Variants in KIF26B observed in about 807,000 individuals in gnomAD.
KIF26B encodes the protein kinesin family member 26B.
In KIF26B, 63 loss-of-function variants were observed where a neutral mutation model predicts 151.2. That is an observed-to-expected ratio of 0.42 (90% CI 0.34 to 0.51). The LOEUF is 0.51. Among genes scored for constraint, KIF26B ranks in the 20% least tolerant of loss-of-function variants. KIF26B has a pLI of 0.07. For synonymous variants in KIF26B, 1,357 were observed against 1,262.1 expected (o/e 1.08, Z -1.59); for missense variants, 2,813 against 2,913.6 (o/e 0.97, Z 0.79).
chr1:245,399,417 CTTTG>C (rs1673939689), intron 3 of KIF26B, among the ~76,000 whole-genome samples: 1 of 152,122 alleles, frequency 6.6e-6, no homozygotes, highest in African/African-American at 2.4e-5. Context: ...GTTGACTTTT[CTTTG>C]TTTGATTTAA....
At chr1:245,313,908 C>T (rs1023714543) in intron 2 of KIF26B, among the ~76,000 whole-genome samples, 2 of 152,180 alleles carry the variant, frequency 1.3e-5, no homozygotes, top group African/African-American at 4.8e-5. Flanking sequence ...CCAGTCTCTT[C>T]TTTCATGGCA....
chr1:245,672,010 C>G lies in KIF26B; in HGVS notation c.2259-12223C>G, dbSNP rs142409826. Reference sequence around the variant, plus strand: ...TCCAGGTCCAAAGCCGCCAAATCATCTTTCTTGTCACCATCACATGATAAG... The same window carrying G: ...TCCAGGTCCAAAGCCGCCAAATCATGTTTCTTGTCACCATCACATGATAAG... On this transcript the variant is annotated intron_variant, in intron 10 of 14. Transcript: ENST00000407071. Among the ~76,000 whole-genome samples the G allele has an allele frequency of 5.9e-5, 9 of 152,110 alleles. No homozygotes were observed. In the East Asian group the frequency reaches 1.7e-3, roughly 29 times the overall value.
intron 2 of KIF26B, among the ~76,000 whole-genome samples, chr1:245,175,574 GA>G (rs1047255218): frequency 2.5e-4 from 38 of 152,226 alleles, no homozygotes; most frequent in African/African-American, 9.1e-4. Context: ...TGTTGGTTGA[GA>G]TTCTTTGAGA....
At chr1:245,452,261 A>G (rs1394337665) in intron 4 of KIF26B, among the ~76,000 whole-genome samples, 1 of 152,206 alleles carries the variant, frequency 6.6e-6, no homozygotes, top group Non-Finnish European at 1.5e-5. Context: ...GTGCATCGGA[A>G]TTTTATTCCT....
chr1:245,476,319 G>A (rs1485589847), intron 4 of KIF26B, among the ~76,000 whole-genome samples: 1 of 151,712 alleles, frequency 6.6e-6, no homozygotes, highest in African/African-American at 2.4e-5. Context: ...GTTCCATGAT[G>A]ATTACATCAT....
intron 2 of KIF26B, among the ~76,000 whole-genome samples, chr1:245,284,437 G>T (rs1671130316): frequency 6.6e-6 from 1 of 152,040 alleles, no homozygotes; most frequent in African/African-American, 2.4e-5. Context: ...TTTTGAAAAC[G>T]CAGGTGGTGT....
intron 12 of KIF26B, among the ~76,000 whole-genome samples, chr1:245,694,629 G>C (rs1236795618): frequency 6.6e-6 from 1 of 152,198 alleles, no homozygotes; most frequent in Non-Finnish European, 1.5e-5. Flanking sequence ...CAGCACCGCA[G>C]ATGATACCGG....
intron 4 of KIF26B, among the ~76,000 whole-genome samples, chr1:245,538,867 T>A (rs75623718): frequency 1.3e-5 from 2 of 152,162 alleles, no homozygotes; most frequent in Non-Finnish European, 2.9e-5. Context: ...GGTGCCATGA[T>A]GCCTTGTGCC....
At chr1:245,570,441 G>T (rs2043056312) in intron 5 of KIF26B, among the ~76,000 whole-genome samples, 1 of 152,024 alleles carries the variant, frequency 6.6e-6, no homozygotes, top group Admixed American at 6.5e-5. Context: ...ATACCAACTG[G>T]GGCTTTCTGG....
rs991277900 is a variant in KIF26B, at chr1:245,688,488, C to G, written c.5505C>G (p.Ala1835=). 2.1e-6 allele frequency: 3 copies of G among 1,437,242 alleles called. No homozygotes were observed. In the African/African-American group the frequency reaches 4.5e-5, roughly 21 times the overall value. The allele number at this position is 1,437,242 out of a possible 1,614,324, so 89.0% of individuals were successfully genotyped here. A position where few individuals can be genotyped will look rare whatever the true frequency, so the allele number is the denominator to read the frequency against. Residue 1835 remains alanine (A), a synonymous_variant, in exon 12 of 15, where the codon GCC becomes GCG. Coordinates refer to ENST00000407071, the MANE Select transcript of KIF26B (RefSeq NM_018012.4). ...AGPEAEARGG[A]LAEDEPAAAH... ...CCGAGGCGGAGGCGCGCGGGGGGGC[C>G]CTGGCCGAGGACGAGCCCGCGGCCG...
At chr1:245,477,614 G>T (rs66505125) in intron 4 of KIF26B, among the ~76,000 whole-genome samples, 18,035 of 151,756 alleles carry the variant, frequency 0.12, 1,670 homozygotes, top group African/African-American at 0.24. Context: ...AGGAAGTGGG[G>T]GAGCTGAACC....
At chr1:245,574,434 A>G (rs771731584) in intron 5 of KIF26B, among the ~76,000 whole-genome samples, 1 of 152,176 alleles carries the variant, frequency 6.6e-6, no homozygotes, top group Non-Finnish European at 1.5e-5. Context: ...GTGAGCCACC[A>G]TGCCTGACCG....
chr1:245,688,402 C>T lies in KIF26B; in HGVS notation c.5419C>T (p.Arg1807Cys), dbSNP rs1320589019. ...GCTTCCCCTGCGGGCCGTCAGCGGGCGCATCTCGGAGCTGCTGCAGGGTGG... is the reference window on the plus strand; with the variant it reads ...GCTTCCCCTGCGGGCCGTCAGCGGGTGCATCTCGGAGCTGCTGCAGGGTGG... ...SKLPLRAVSG[R>C]ISELLQGGAG... Residue 1807 changes from arginine (R) to cysteine (C), a missense_variant, in exon 12 of 15, where the codon CGC becomes TGC. Physicochemically the swap from Arg to Cys is radical, Grantham distance 180. This residue lies in a region of KIF26B where 2,060 missense variants were observed against 2,088.6 expected (regional missense o/e 0.99). Coordinates refer to ENST00000407071, the MANE Select transcript of KIF26B (RefSeq NM_018012.4). The T allele has an allele frequency of 6.6e-7, 1 of 1,510,844 alleles. No individual in the cohort carries two copies. Among genetic ancestry groups the T allele is most frequent in the Non-Finnish European group, 8.8e-7 (1 of 1,136,432 alleles). The allele number at this position is 1,510,844 out of a possible 1,614,324, so 93.6% of individuals were successfully genotyped here. A position where few individuals can be genotyped will look rare whatever the true frequency, so the allele number is the denominator to read the frequency against.
intron 2 of KIF26B, among the ~76,000 whole-genome samples, chr1:245,270,275 T>C (rs1427418887): frequency 3.3e-5 from 2 of 60,910 alleles, no homozygotes; most frequent in Non-Finnish European, 6.6e-5. Context: ...TTCCCTTCCT[T>C]TCCTTCTTTC....
intron 4 of KIF26B, among the ~76,000 whole-genome samples, chr1:245,528,876 T>C (rs946270104): frequency 2.6e-5 from 4 of 152,208 alleles, no homozygotes; most frequent in African/African-American, 7.2e-5. Flanking sequence ...GATCTTGACC[T>C]AGAACTTGTT....
chr1:245,230,150 A>AACAAG (rs796175947), intron 2 of KIF26B, among the ~76,000 whole-genome samples: 1,551 of 147,066 alleles, frequency 0.011, 33 homozygotes, highest in African/African-American at 0.039. Flanking sequence ...AACAAAACAA[A>AACAAG]AAGCAAAAAA....
At chr1:245,459,089 T>C (rs1006120867) in intron 4 of KIF26B, among the ~76,000 whole-genome samples, 1 of 152,214 alleles carries the variant, frequency 6.6e-6, no homozygotes, top group African/African-American at 2.4e-5. Flanking sequence ...CTCCTGTGAT[T>C]CAAGCCAATT....
At chr1:245,210,005 G>A (rs1461921696) in intron 2 of KIF26B, among the ~76,000 whole-genome samples, 1 of 152,232 alleles carries the variant, frequency 6.6e-6, no homozygotes, top group Non-Finnish European at 1.5e-5. Context: ...TGGCCAGAAT[G>A]ATCAAGCTCT....
intron 2 of KIF26B, among the ~76,000 whole-genome samples, chr1:245,174,465 CT>C (rs529733936): frequency 6.6e-6 from 1 of 150,836 alleles, no homozygotes; most frequent in African/African-American, 2.4e-5. Flanking sequence ...CCAAGAAACT[CT>C]TTTTTTACTC....
Sources: allele counts gnomAD v4.1 joint callset (sites outside exome capture counted in the v4.1 genomes callset), GRCh38; gene constraint gnomAD v4.1.1; regional missense constraint gnomAD v4.1.1; transcripts MANE v1.5; gene names NCBI Gene and HGNC (gene_info 2026-07-23, HGNC 2026-07-21).